CCDC25: variants seen among roughly 807,000 people sequenced by gnomAD.
CCDC25 encodes coiled-coil domain-containing protein 25.
A neutral mutation model predicts 35.3 loss-of-function variants in CCDC25; 16 were observed. The ratio of observed to expected loss-of-function variants is 0.45; its 90% CI spans 0.31 to 0.69. The LOEUF is 0.69. CCDC25 is among the 30% of genes least tolerant of loss of function. The pLI is 0.06. For synonymous variants in CCDC25, 79 were observed against 80.3 expected (o/e 0.98, Z 0.09); for missense variants, 179 against 250.7 (o/e 0.71, Z 1.93).
At position 27,736,330 on chromosome 8, in the gene CCDC25, G is replaced by A. The variant is rs374977960; in HGVS notation, c.598-85C>T. On this transcript the variant is annotated intron_variant, in intron 8 of 8. Transcript: ENST00000356537. ...TTACAATTATCTTAATTAGCGAGCT[G>A]CCTTCTCATCTCAGTCACTGAGTTC... is the stretch of plus-strand genomic sequence containing the variant. 5.8e-6 allele frequency: 6 copies of A among 1,040,236 alleles called. No individual in the cohort carries two copies. The Admixed American group carries it at 1.1e-4, about 19-fold the overall frequency. The allele number at this position is 1,040,236 out of a possible 1,614,324, so 64.4% of individuals were successfully genotyped here.
chr8:27,748,262 C>A lies in CCDC25; in HGVS notation c.366G>T (p.Val122=), dbSNP rs760306103. The part of the protein sequence containing the change: ...HRQKDVKIVT[V]EKKVNEILNR... ...TCAGGATCTCATTTACTTTCTTCTC[C>A]ACTGTCACAATTTTTACCTTTAAGG... The change falls in exon 7 of 9, where the codon GTG becomes GTT. Residue 122 remains valine (V), a synonymous_variant. Transcript: ENST00000356537. 3.7e-6 allele frequency: 6 copies of A among 1,613,526 alleles called. No individual in the cohort carries two copies. In the African/African-American group the frequency reaches 6.7e-5, roughly 18 times the overall value.
At chr8:27,760,414 A>G (rs952954026) in intron 3 of CCDC25, among the ~76,000 whole-genome samples, 1 of 152,170 alleles carries the variant, frequency 6.6e-6, no homozygotes, top group Non-Finnish European at 1.5e-5. Context: ...TATTCCCATG[A>G]GAGTCTGGAG....
At chr8:27,748,632 G>A in intron 5 of CCDC25, 34 bp from the exon 6 acceptor site, 7 of 1,475,370 alleles carry the variant, frequency 4.7e-6, no homozygotes, top group Middle Eastern at 3.5e-4. Flanking sequence ...CATGCAGGCA[G>A]GATGAGACTG....
intron 8 of CCDC25, 147 bp downstream of exon 8, chr8:27,740,325 A>C: frequency 2.8e-6 from 2 of 701,854 alleles, no homozygotes; most frequent in South Asian, 1.8e-5. Context: ...CAGTGCCTAA[A>C]AGAATCCAGC....
intron 5 of CCDC25, among the ~76,000 whole-genome samples, chr8:27,751,970 TTC>T (rs1196386609): frequency 6.6e-6 from 1 of 152,106 alleles, no homozygotes; most frequent in Non-Finnish European, 1.5e-5. Flanking sequence ...CTAAATAAGA[TTC>T]TCTTTGGTGG....
intron 7 of CCDC25, among the ~76,000 whole-genome samples, chr8:27,743,648 C>G (rs1336893499): frequency 6.6e-6 from 1 of 152,224 alleles, no homozygotes; most frequent in Non-Finnish European, 1.5e-5. Context: ...AATCCCAGCA[C>G]TTTGGGAGGC....
intron 7 of CCDC25, 38 bp downstream of exon 7, chr8:27,748,039 T>C (rs1353178531): frequency 2.5e-6 from 4 of 1,579,298 alleles, no homozygotes; most frequent in Non-Finnish European, 2.6e-6. Flanking sequence ...CAGGGAATAA[T>C]CTTTGAGGTC....
intron 7 of CCDC25, among the ~76,000 whole-genome samples, chr8:27,747,219 C>G (rs983907220): frequency 7.9e-5 from 12 of 152,100 alleles, no homozygotes; most frequent in Non-Finnish European, 1.3e-4. Context: ...TAGTTAGGAC[C>G]TTAAAATGGA....
intron 7 of CCDC25, among the ~76,000 whole-genome samples, chr8:27,745,887 G>T (rs1803586475): frequency 6.6e-6 from 1 of 152,176 alleles, no homozygotes; most frequent in Non-Finnish European, 1.5e-5. Context: ...AATGACCAGT[G>T]ACAACTTAGA....
chr8:27,753,210 G>T (rs548763853), intron 4 of CCDC25, among the ~76,000 whole-genome samples: 38 of 152,242 alleles, frequency 2.5e-4, no homozygotes, highest in African/African-American at 8.9e-4. Context: ...GCAGAAACAG[G>T]CCAGTTAAGT....
At chr8:27,750,177 TA>T (rs1336108989) in intron 5 of CCDC25, among the ~76,000 whole-genome samples, 2 of 152,118 alleles carry the variant, frequency 1.3e-5, no homozygotes, top group Non-Finnish European at 2.9e-5. Context: ...AGGAAACTGC[TA>T]AGACAGCACA....
intron 1 of CCDC25, chr8:27,772,078 G>A (rs1841313): frequency 0.86 from 159,733 of 185,236 alleles, 69,072 homozygotes; most frequent in East Asian, 1. Context: ...GGTAAGTCGC[G>A]CTTCCCTTAA....
chr8:27,760,822 G>A (rs1005551843), intron 3 of CCDC25, among the ~76,000 whole-genome samples: 8 of 152,176 alleles, frequency 5.3e-5, no homozygotes, highest in African/African-American at 1.9e-4. Context: ...ATTTAAATAA[G>A]CCTTTAAAAT....
At chr8:27,742,957 C>T (rs1199648173) in intron 7 of CCDC25, among the ~76,000 whole-genome samples, 6 of 152,192 alleles carry the variant, frequency 3.9e-5, no homozygotes, top group Non-Finnish European at 7.3e-5. Context: ...CAACTACCTC[C>T]CTGACATCTT....
intron 1 of CCDC25, among the ~76,000 whole-genome samples, chr8:27,767,257 T>C (rs1336462474): frequency 3.9e-5 from 6 of 152,230 alleles, no homozygotes; most frequent in Middle Eastern, 6.8e-3. Context: ...TTCCAGCTAC[T>C]GGAGAGGCTC....
chr8:27,755,528 T>C (rs1033814792), intron 4 of CCDC25, among the ~76,000 whole-genome samples: 4 of 152,244 alleles, frequency 2.6e-5, no homozygotes, highest in African/African-American at 7.2e-5. Context: ...TAGTGCTTAA[T>C]TCCATCCTCC....
At chr8:27,754,121 T>A (rs1803912866) in intron 4 of CCDC25, among the ~76,000 whole-genome samples, 1 of 152,138 alleles carries the variant, frequency 6.6e-6, no homozygotes. Context: ...TCCTAAGAAT[T>A]ATTCTAAGAA....
intron 7 of CCDC25, among the ~76,000 whole-genome samples, chr8:27,745,955 C>T (rs1397252657): frequency 1.8e-4 from 28 of 152,020 alleles, no homozygotes; most frequent in Admixed American, 1.8e-3. Context: ...TTGAGTTTTC[C>T]CTTCAGTTAA....
chr8:27,763,931 C>T (rs1024350979), intron 2 of CCDC25, among the ~76,000 whole-genome samples: 6 of 151,998 alleles, frequency 3.9e-5, no homozygotes, highest in African/African-American at 1.5e-4. Flanking sequence ...TAGGACTGAG[C>T]AAATAGCCAA....
Sources: gnomAD v4.1 joint callset for allele counts (sites outside exome capture counted in the v4.1 genomes callset) on GRCh38, gnomAD v4.1.1 for gene constraint, MANE v1.5 for transcripts, NCBI Gene and HGNC (gene_info 2026-07-23, HGNC 2026-07-21) for gene names.